Variants in KANSL1L observed in about 807,000 individuals in gnomAD.
KANSL1L encodes KAT8 regulatory NSL complex subunit 1 like.
KANSL1L carries 25 observed loss-of-function variants against 108.6 expected under a neutral mutation model. The observed-to-expected ratio is 0.23, with a 90% CI of 0.17 to 0.32. The LOEUF is 0.32. Ranked by LOEUF, KANSL1L falls within the 10% of genes least tolerant of loss-of-function variation. KANSL1L has a pLI of 1.00. For missense variants in KANSL1L, 1,137 were observed against 1,125.7 expected, an observed-to-expected ratio of 1.01 and a Z score of -0.14; for synonymous variants, 405 against 395.1, an observed-to-expected ratio of 1.03 and a Z score of -0.30.
intron 2 of KANSL1L, among the ~76,000 whole-genome samples, chr2:210,132,900 T>C (rs906634488): frequency 1.3e-5 from 2 of 152,174 alleles, no homozygotes; most frequent in African/African-American, 4.8e-5. Flanking sequence ...TCCTTGAGTT[T>C]CAATGAAATT....
rs66917529 is a variant in KANSL1L, at chr2:210,171,295, GGCCGCCGCCGCC to G, written c.-188_-177del. ...CCAGAGCGCGCCCCGCTCCCGCCCC[GGCCGCCGCCGCC>G]GCCGCCGCCGCCGCCGCCGCCGCCG... On this transcript the variant is annotated 5_prime_UTR_variant, in exon 1 of 15. Coordinates refer to ENST00000281772, the MANE Select transcript of KANSL1L (RefSeq NM_152519.4). The G allele has an allele frequency of 0.066, 11,486 of 174,610 alleles. 418 individuals carry two copies. The highest frequency in any genetic ancestry group is 0.074 in the Admixed American group (1,126 of 15,300). The allele number at this position is 174,610 out of a possible 1,614,324, so 10.8% of individuals were successfully genotyped here.
At chr2:210,150,122 A>T (rs1335964004) in intron 2 of KANSL1L, among the ~76,000 whole-genome samples, 1 of 152,192 alleles carries the variant, frequency 6.6e-6, no homozygotes, top group African/African-American at 2.4e-5. Flanking sequence ...GCCTACCTTA[A>T]TGAACTGATA....
intron 5 of KANSL1L, among the ~76,000 whole-genome samples, chr2:210,090,917 T>C (rs2094687916): frequency 6.6e-6 from 1 of 152,230 alleles, no homozygotes; most frequent in Non-Finnish European, 1.5e-5. Context: ...TAATATCTAA[T>C]GTTTGTATTA....
chr2:210,150,297 C>T (rs1415165695), intron 2 of KANSL1L, among the ~76,000 whole-genome samples: 1 of 151,966 alleles, frequency 6.6e-6, no homozygotes, highest in Non-Finnish European at 1.5e-5. Flanking sequence ...AATAAACTGG[C>T]AGAGTTGGTG....
intron 8 of KANSL1L, among the ~76,000 whole-genome samples, chr2:210,034,471 A>G (rs1348870826): frequency 6.6e-6 from 1 of 152,198 alleles, no homozygotes; most frequent in African/African-American, 2.4e-5. Context: ...GTGAGAAAGA[A>G]TCATGAGGGA....
chr2:210,063,690 T>C (rs1429750254), intron 6 of KANSL1L: 2 of 152,192 alleles, frequency 1.3e-5, no homozygotes, highest in African/African-American at 4.8e-5. Flanking sequence ...CTTTTTTTTT[T>C]GGCCAATTTT....
intron 6 of KANSL1L, among the ~76,000 whole-genome samples, chr2:210,072,673 C>G (rs1257253525): frequency 1.5e-5 from 2 of 133,334 alleles, no homozygotes; most frequent in Non-Finnish European, 3.3e-5. Context: ...GTTCCCGCCA[C>G]TGATCTGACA....
chr2:210,129,001 C>A (rs1192970727), intron 3 of KANSL1L, 30 bp downstream of exon 3: 1 of 1,559,024 alleles, frequency 6.4e-7, no homozygotes, highest in Non-Finnish European at 8.8e-7. Context: ...CAATTTTTAA[C>A]AAAAGTAGAA....
At chr2:210,118,195 G>A (rs1251341306) in intron 3 of KANSL1L, among the ~76,000 whole-genome samples, 1 of 141,038 alleles carries the variant, frequency 7.1e-6, no homozygotes, top group African/African-American at 2.7e-5. Flanking sequence ...GGGGGCGGGT[G>A]CGGTGGCTTA....
intron 6 of KANSL1L, among the ~76,000 whole-genome samples, chr2:210,057,347 A>G (rs2125253711): frequency 6.6e-6 from 1 of 152,268 alleles, no homozygotes; most frequent in Non-Finnish European, 1.5e-5. Flanking sequence ...GGTTGCAGTG[A>G]GCCAAGATCG....
chr2:210,027,375 A>G (rs756209605), intron 11 of KANSL1L, 25 bp from the exon 12 acceptor site: 2 of 1,564,554 alleles, frequency 1.3e-6, no homozygotes, highest in South Asian at 2.2e-5. Context: ...AACCAATTTT[A>G]AACAGCTTTT....
intron 6 of KANSL1L, among the ~76,000 whole-genome samples, chr2:210,052,643 AT>A (rs1238863286): frequency 6.6e-6 from 1 of 151,926 alleles, no homozygotes; most frequent in African/African-American, 2.4e-5. Flanking sequence ...CTTTAGTTCT[AT>A]TTTTTTCCCC....
chr2:210,108,813 A>G (rs2094876471), intron 3 of KANSL1L, among the ~76,000 whole-genome samples: 1 of 152,218 alleles, frequency 6.6e-6, no homozygotes, highest in Non-Finnish European at 1.5e-5. Context: ...TCACAGAACT[A>G]GTAAGCCTAA....
intron 5 of KANSL1L, among the ~76,000 whole-genome samples, chr2:210,091,277 G>T (rs2094690911): frequency 6.6e-6 from 1 of 152,138 alleles, no homozygotes; most frequent in Non-Finnish European, 1.5e-5. Flanking sequence ...GATGAATAAT[G>T]TCATTTAAGT....
At chr2:210,076,171 TTTTTTTG>T (rs796078288) in intron 5 of KANSL1L, among the ~76,000 whole-genome samples, 31 of 152,230 alleles carry the variant, frequency 2.0e-4, no homozygotes, top group African/African-American at 5.8e-4. Context: ...TAGTTTCTGT[TTTTTTTG>T]TTTTTTGTTT....
intron 2 of KANSL1L, among the ~76,000 whole-genome samples, chr2:210,131,486 T>C (rs1217964178): frequency 2.6e-5 from 4 of 152,106 alleles, no homozygotes; most frequent in African/African-American, 9.7e-5. Flanking sequence ...ATAATATTGA[T>C]GATTAGTGAA....
At chr2:210,061,722 C>T (rs1260164220) in intron 6 of KANSL1L, among the ~76,000 whole-genome samples, 1 of 152,098 alleles carries the variant, frequency 6.6e-6, no homozygotes, top group Non-Finnish European at 1.5e-5. Context: ...GTGGCTTAGA[C>T]AGCAAAAGAT....
chr2:210,034,732 C>G (rs2094076902), intron 8 of KANSL1L, among the ~76,000 whole-genome samples: 1 of 152,186 alleles, frequency 6.6e-6, no homozygotes, highest in South Asian at 2.1e-4. Flanking sequence ...GACAACTTGG[C>G]AATTGGTTTA....
intron 1 of KANSL1L, among the ~76,000 whole-genome samples, chr2:210,162,848 A>G (rs1417859227): frequency 6.6e-6 from 1 of 152,176 alleles, no homozygotes; most frequent in African/African-American, 2.4e-5. Flanking sequence ...AGCAAAGCCG[A>G]TATTACTTTT....
Sources: allele counts gnomAD v4.1 joint callset (sites outside exome capture counted in the v4.1 genomes callset), GRCh38; gene constraint gnomAD v4.1.1; transcripts MANE v1.5; gene names NCBI Gene and HGNC (gene_info 2026-07-23, HGNC 2026-07-21).